The following TCF7L2 variants were observed in gnomAD, a reference collection of about 807,000 sequenced individuals.
TCF7L2 encodes transcription factor 7-like 2.
Under a neutral mutation model 77.9 loss-of-function variants are expected in TCF7L2, and 23 were observed. The observed-to-expected ratio is 0.30, with a 90% confidence interval of 0.21 to 0.42. TCF7L2 has a LOEUF of 0.42. Ranked by LOEUF, TCF7L2 falls within the 10% of genes least tolerant of loss-of-function variation. TCF7L2 has a pLI of 1.00. For synonymous variants in TCF7L2, 413 were observed against 340.2 expected (o/e 1.21, Z -2.36); for missense variants, 654 against 793.1 (o/e 0.82, Z 2.11).
At chr10:113,108,479 G>A in intron 5 of TCF7L2, among the ~76,000 whole-genome samples, 1 of 152,160 alleles carries the variant, frequency 6.6e-6, no homozygotes, top group Non-Finnish European at 1.5e-5. Flanking sequence ...GCCATTGTGG[G>A]CATAGAGATG....
chr10:113,087,927 C>G (rs902647911), intron 5 of TCF7L2, among the ~76,000 whole-genome samples: 2 of 152,150 alleles, frequency 1.3e-5, no homozygotes, highest in Non-Finnish European at 2.9e-5. Context: ...TGTTGTATAA[C>G]TTTTTCCTTT....
intron 4 of TCF7L2, among the ~76,000 whole-genome samples, chr10:112,981,656 A>T (rs1046464985): frequency 6.6e-6 from 1 of 152,236 alleles, no homozygotes; most frequent in Non-Finnish European, 1.5e-5. Flanking sequence ...ACGGGAACCA[A>T]TGATGTGACT....
At chr10:112,964,711 G>GATA (rs113862986) in intron 4 of TCF7L2, 87 bp downstream of exon 4, 2 of 971,636 alleles carry the variant, frequency 2.1e-6, no homozygotes, top group Non-Finnish European at 3.0e-6. Flanking sequence ...CCCCAACTGA[G>GATA]ATAATGATGA....
At chr10:112,990,433 C>T (rs1001850760) in intron 4 of TCF7L2, among the ~76,000 whole-genome samples, 1 of 152,116 alleles carries the variant, frequency 6.6e-6, no homozygotes, top group Admixed American at 6.5e-5. Context: ...GTTGGCCAGG[C>T]GCATGACTCA....
Position 113,073,693 on chromosome 10 carries a change from GA to G in TCF7L2, c.552+33580del, listed in dbSNP as rs766310303. ...GGCGACTGTGAGACCCCGTCTTTAAGAAAAAAAAAAAAACAAAGGTCACAAG... is the reference window on the plus strand; with the variant it reads ...GGCGACTGTGAGACCCCGTCTTTAAGAAAAAAAAAAAACAAAGGTCACAAG... On this transcript the variant is annotated intron_variant, in intron 5 of 13. Transcript: ENST00000627217. Among the ~76,000 whole-genome samples, 521 of 134,094 alleles carry G rather than the reference GA, an allele frequency of 3.9e-3. 4 individuals are homozygous for G. Among genetic ancestry groups the G allele is most frequent in the Admixed American group, 7.8e-3 (103 of 13,272 alleles). 88.0% of individuals were successfully genotyped at this position (134,094 alleles called of 152,430 possible).
intron 6 of TCF7L2, among the ~76,000 whole-genome samples, chr10:113,142,509 A>G (rs980684952): frequency 1.3e-5 from 2 of 152,168 alleles, no homozygotes; most frequent in Non-Finnish European, 2.9e-5. Context: ...TAGCTCAGTA[A>G]TTGGAAGGAT....
chr10:113,122,558 C>T (rs918911050), intron 5 of TCF7L2, among the ~76,000 whole-genome samples: 1 of 152,118 alleles, frequency 6.6e-6, no homozygotes, highest in African/African-American at 2.4e-5. Context: ...GTATGAAACC[C>T]TGCAACTTAA....
At chr10:113,108,762 A>G (rs1434447390) in intron 5 of TCF7L2, among the ~76,000 whole-genome samples, 2 of 152,160 alleles carry the variant, frequency 1.3e-5, no homozygotes, top group Non-Finnish European at 2.9e-5. Flanking sequence ...TCATTTCTGC[A>G]GGGAGGTTGC....
At chr10:113,125,063 C>A (rs1246312347) in intron 5 of TCF7L2, among the ~76,000 whole-genome samples, 1 of 152,032 alleles carries the variant, frequency 6.6e-6, no homozygotes, top group Admixed American at 6.6e-5. Context: ...TGCTTGGAAT[C>A]TGGGGAATAA....
At chr10:112,978,864 G>A (rs2039953467) in intron 4 of TCF7L2, among the ~76,000 whole-genome samples, 1 of 151,706 alleles carries the variant, frequency 6.6e-6, no homozygotes, top group African/African-American at 2.4e-5. Flanking sequence ...TAAGTTCTAG[G>A]GTACATGTGC....
intron 4 of TCF7L2, among the ~76,000 whole-genome samples, chr10:112,992,101 G>A (rs549644898): frequency 6.6e-6 from 1 of 152,180 alleles, no homozygotes; most frequent in Non-Finnish European, 1.5e-5. Context: ...ACCCTGGCAG[G>A]ATGCAGACTC....
chr10:113,099,806 A>G (rs1324984953), intron 5 of TCF7L2, among the ~76,000 whole-genome samples: 5 of 151,714 alleles, frequency 3.3e-5, no homozygotes, highest in African/African-American at 7.3e-5. Context: ...ATCGCAGCCA[A>G]TTGAGAAGTG....
At chr10:113,076,704 TTG>T (rs1233063178) in intron 5 of TCF7L2, among the ~76,000 whole-genome samples, 1 of 152,046 alleles carries the variant, frequency 6.6e-6, no homozygotes, top group African/African-American at 2.4e-5. Flanking sequence ...CACTTTAACC[TTG>T]TGTTATGTTA....
chr10:112,961,385 T>C (rs1044366384), intron 3 of TCF7L2, among the ~76,000 whole-genome samples: 3 of 152,036 alleles, frequency 2.0e-5, no homozygotes. Flanking sequence ...CAGTCTCACC[T>C]CATATTCCAA....
At chr10:113,070,558 G>C (rs1378227974) in intron 5 of TCF7L2, among the ~76,000 whole-genome samples, 1 of 152,042 alleles carries the variant, frequency 6.6e-6, no homozygotes, top group African/African-American at 2.4e-5. Context: ...CACTGTGCTA[G>C]GCTCTTTAGG....
At chr10:113,075,343 G>A (rs1048729961) in intron 5 of TCF7L2, among the ~76,000 whole-genome samples, 1 of 151,898 alleles carries the variant, frequency 6.6e-6, no homozygotes, top group African/African-American at 2.4e-5. Flanking sequence ...CCTGTAATCC[G>A]AGCTCTCCTG....
At chr10:113,136,873 TC>T (rs1313632985) in intron 5 of TCF7L2, among the ~76,000 whole-genome samples, 1 of 152,172 alleles carries the variant, frequency 6.6e-6, no homozygotes, top group Non-Finnish European at 1.5e-5. Context: ...CTTAAAGACC[TC>T]GTTAGAGAAG....
chr10:112,964,731 T>TGAC (rs1263661220), intron 4 of TCF7L2, 107 bp downstream of exon 4: 1 of 906,636 alleles, frequency 1.1e-6, no homozygotes, highest in Non-Finnish European at 1.7e-6. Flanking sequence ...ATGATGATGA[T>TGAC]GATGATGATG....
At chr10:112,999,985 C>T (rs1412097157) in intron 4 of TCF7L2, among the ~76,000 whole-genome samples, 5 of 152,140 alleles carry the variant, frequency 3.3e-5, no homozygotes, top group Non-Finnish European at 7.3e-5. Context: ...AGGATGCTAG[C>T]CCTGAGAATT....
Sources: gnomAD v4.1 joint callset for allele counts (sites outside exome capture counted in the v4.1 genomes callset) on GRCh38, gnomAD v4.1.1 for gene constraint, MANE v1.5 for transcripts, NCBI Gene and HGNC (gene_info 2026-07-23, HGNC 2026-07-21) for gene names.